YTHDF2: variants seen among roughly 807,000 people sequenced by gnomAD.
The protein encoded by YTHDF2 is YTH N6-methyladenosine RNA binding protein F2.
YTHDF2 carries 2 observed loss-of-function variants against 50.4 expected under a neutral mutation model. The observed-to-expected ratio is 0.04, with a 90% CI of 0.02 to 0.12. YTHDF2 has a LOEUF of 0.12. Among genes scored for constraint, YTHDF2 ranks in the 10% least tolerant of loss-of-function variants. The pLI, the probability that YTHDF2 is intolerant of heterozygous loss-of-function variation, is 1.00. For synonymous variants in YTHDF2, 217 were observed against 255.6 expected, an observed-to-expected ratio of 0.85 and a Z score of 1.44; for missense variants, 483 against 722.6, an observed-to-expected ratio of 0.67 and a Z score of 3.80.
chr1:28,748,120 T>G, intron 4 of YTHDF2, among the ~76,000 whole-genome samples: 1 of 147,162 alleles, frequency 6.8e-6, no homozygotes, highest in South Asian at 2.1e-4. Flanking sequence ...AGAGCGAGAC[T>G]CCATCTCAAA....
Position 28,743,159 on chromosome 1 carries a change from G to C in YTHDF2, c.889G>C (p.Gly297Arg). The C allele has an allele frequency of 3.1e-6, 5 of 1,614,128 alleles. No individual in the cohort carries two copies. Among genetic ancestry groups the C allele is most frequent in the Middle Eastern group, 1.7e-4 (1 of 6,054 alleles). ...APSQALVQNIGQPTQGSPQPV... is the reference protein window; with the variant it reads ...APSQALVQNIRQPTQGSPQPV... The stretch of plus-strand genomic sequence containing the variant: ...CTCACAGGCTTTGGTTCAGAATATA[G>C]GTCAGCCAACCCAGGGGTCTCCTCA... Residue 297 changes from glycine (G) to arginine (R), a missense_variant, in exon 4 of 5, where the codon GGT becomes CGT. Gly to Arg is a moderately radical substitution (Grantham distance 125). Coordinates refer to ENST00000373812, the MANE Select transcript of YTHDF2 (RefSeq NM_016258.3). The surrounding 1 kb of genome is among the most constrained non-coding windows in gnomAD (Gnocchi z 6.9).
At chr1:28,741,915 C>T (rs2087782735) in intron 3 of YTHDF2, among the ~76,000 whole-genome samples, 1 of 152,140 alleles carries the variant, frequency 6.6e-6, no homozygotes. Context: ...AGTTGTAGTG[C>T]TAAAGCTAAG....
chr1:28,738,362 T>G (rs994788463), intron 3 of YTHDF2, 24 bp downstream of exon 3: 2 of 1,568,918 alleles, frequency 1.3e-6, no homozygotes, highest in South Asian at 1.1e-5. Context: ...TATTTACATA[T>G]CTAATCGAAG....
intron 4 of YTHDF2, among the ~76,000 whole-genome samples, chr1:28,762,379 G>A (rs961011121): frequency 1.3e-5 from 2 of 152,168 alleles, no homozygotes; most frequent in Non-Finnish European, 2.9e-5. Context: ...GCAACAGAGC[G>A]AGACTCTGTC....
chr1:28,766,598 T>C (rs1390170531), intron 4 of YTHDF2, among the ~76,000 whole-genome samples: 1 of 152,182 alleles, frequency 6.6e-6, no homozygotes, highest in African/African-American at 2.4e-5. Flanking sequence ...ATTTTTTTTT[T>C]AATACGTGGG....
intron 1 of YTHDF2, chr1:28,737,447 G>T: frequency 1.5e-6 from 1 of 682,864 alleles, no homozygotes; most frequent in Non-Finnish European, 2.4e-6. Flanking sequence ...TCGCGTCGCC[G>T]GTGGCGCGTC....
chr1:28,737,371 C>G (rs1416764984), intron 1 of YTHDF2: 1 of 638,742 alleles, frequency 1.6e-6, no homozygotes, highest in Non-Finnish European at 2.5e-6. Context: ...GCGCCGCGTT[C>G]CCTTCTCTCG....
At chr1:28,763,243 T>G (rs561640264) in intron 4 of YTHDF2, among the ~76,000 whole-genome samples, 2 of 152,310 alleles carry the variant, frequency 1.3e-5, no homozygotes, top group Admixed American at 1.3e-4. Flanking sequence ...CTGTCTGGAC[T>G]TGTAGTTTCC....
intron 4 of YTHDF2, among the ~76,000 whole-genome samples, chr1:28,759,353 T>C (rs2088081314): frequency 6.6e-6 from 1 of 152,216 alleles, no homozygotes; most frequent in Non-Finnish European, 1.5e-5. Context: ...CCTAAATATC[T>C]TTAAAACTTA....
intron 4 of YTHDF2, among the ~76,000 whole-genome samples, chr1:28,757,867 A>G (rs1029858178): frequency 6.6e-6 from 1 of 151,944 alleles, no homozygotes; most frequent in Admixed American, 6.6e-5. Flanking sequence ...TCTTTTTCTT[A>G]GTGCTTTAGG....
intron 4 of YTHDF2, among the ~76,000 whole-genome samples, chr1:28,762,291 C>T (rs1210089009): frequency 1.3e-5 from 2 of 152,130 alleles, no homozygotes; most frequent in Admixed American, 1.3e-4. Flanking sequence ...ACTCGGGAGG[C>T]TGAGGCAGGA....
At chr1:28,742,303 C>G (rs1557539871) in intron 3 of YTHDF2, 100 bp from the exon 4 acceptor site, 1 of 1,452,262 alleles carries the variant, frequency 6.9e-7, no homozygotes, top group South Asian at 1.4e-5. Flanking sequence ...CCTGCACACT[C>G]CTTTTTATAG....
intron 4 of YTHDF2, among the ~76,000 whole-genome samples, chr1:28,746,448 G>A (rs910147756): frequency 3.3e-5 from 5 of 152,068 alleles, no homozygotes; most frequent in Non-Finnish European, 4.4e-5. Context: ...GTTTAGAAAT[G>A]GAGTAGCAGG....
chr1:28,743,842 C>T lies in YTHDF2; in HGVS notation c.1572C>T (p.Thr524=). 1 of 1,613,876 alleles carries T rather than the reference C, an allele frequency of 6.2e-7. No homozygotes were observed. Among genetic ancestry groups the T allele is most frequent in the Non-Finnish European group, 8.5e-7 (1 of 1,179,922 alleles). The change falls in exon 4 of 5, where the codon ACC becomes ACT. Residue 524 remains threonine (T), a synonymous_variant. Transcript: ENST00000373812. This position sits in a 1 kb window ranked among gnomAD's most constrained non-coding sequence, Gnocchi z 6.9. ...AGAACAACGAGAATAAACCAGTGAC[C>T]AACTCTAGGGACACTCAGGAAGTGC... ...RLENNENKPV[T]NSRDTQEVPL... is the part of the protein sequence containing the mutation.
At position 28,743,262 on chromosome 1, in the gene YTHDF2, C is replaced by T. The variant is rs1376549189; in HGVS notation, c.992C>T (p.Pro331Leu). ...GGGCAACAGACACAGCCATTGCCTC[C>T]ACCTCCACCACAGCCTGCCCAGCTT... Reference protein sequence around the residue: ...SVGQQTQPLPPPPPQPAQLSV... With the variant: ...SVGQQTQPLPLPPPQPAQLSV... Residue 331 changes from proline (P) to leucine (L), a missense_variant, in exon 4 of 5, where the codon CCA becomes CTA. Transcript: ENST00000373812. This position sits in a 1 kb window ranked among gnomAD's most constrained non-coding sequence, Gnocchi z 6.9. 4 of 1,614,142 alleles carry T rather than the reference C, an allele frequency of 2.5e-6. No individual in the cohort carries two copies. Among genetic ancestry groups the T allele is most frequent in the Admixed American group, 1.7e-5 (1 of 60,006 alleles).
At chr1:28,737,614 C>T (rs1042372605) in intron 1 of YTHDF2, 44 bp from the exon 2 acceptor site, 11 of 1,613,604 alleles carry the variant, frequency 6.8e-6, no homozygotes, top group African/African-American at 5.3e-5. Context: ...TTCCATTTCT[C>T]CTTTGGACAA....
At chr1:28,760,271 TTGTGTGTGTG>T (rs28969505) in intron 4 of YTHDF2, among the ~76,000 whole-genome samples, 13,930 of 147,196 alleles carry the variant, frequency 0.095, 923 homozygotes, top group African/African-American at 0.19. Flanking sequence ...ACATAGTAGG[TTGTGTGTGTG>T]TGTGTGTGTG....
intron 4 of YTHDF2, among the ~76,000 whole-genome samples, chr1:28,749,282 C>T (rs1570469004): frequency 6.6e-6 from 1 of 151,322 alleles, no homozygotes; most frequent in South Asian, 2.1e-4. Flanking sequence ...AGCTCCGCCT[C>T]CCGGGTTCAC....
intron 4 of YTHDF2, among the ~76,000 whole-genome samples, chr1:28,747,666 CCT>C (rs1021255084): frequency 6.7e-6 from 1 of 149,492 alleles, no homozygotes; most frequent in African/African-American, 2.4e-5. Context: ...GATCCTCCCG[CCT>C]CTCCCTCCGA....
Sources: gnomAD v4.1 joint callset for allele counts (sites outside exome capture counted in the v4.1 genomes callset) on GRCh38, gnomAD v4.1.1 for gene constraint, Gnocchi (gnomAD v3.1) non-coding constraint, MANE v1.5 for transcripts, NCBI Gene and HGNC (gene_info 2026-07-23, HGNC 2026-07-21) for gene names.